Variants in CNN3 observed in about 807,000 individuals in gnomAD.
CNN3 encodes calponin 3, also known as calponin-3.
In CNN3, 11 loss-of-function variants were observed where a neutral mutation model predicts 39.0. The ratio of observed to expected loss-of-function variants is 0.28; its 90% CI spans 0.18 to 0.47. CNN3 has a LOEUF of 0.47. Among genes scored for constraint, CNN3 ranks in the 20% least tolerant of loss-of-function variants. The probability of loss-of-function intolerance (pLI) is 0.99; values close to 1 mark genes in which losing one functional copy is unlikely to be tolerated. For missense variants in CNN3, 266 were observed against 403.4 expected (o/e 0.66, Z 2.92); for synonymous variants, 101 against 138.3 (o/e 0.73, Z 1.89).
At chr1:94,915,378 T>G (rs859045) in intron 1 of CNN3, among the ~76,000 whole-genome samples, 42,181 of 151,714 alleles carry the variant, frequency 0.28, 6,299 homozygotes, top group Middle Eastern at 0.32. Context: ...AGATTCAGAG[T>G]TCCTCTAAAA....
chr1:94,906,458 G>A (rs1006825952), intron 1 of CNN3, among the ~76,000 whole-genome samples: 7 of 143,100 alleles, frequency 4.9e-5, no homozygotes, highest in Non-Finnish European at 1.1e-4. Flanking sequence ...AATACTAATT[G>A]TAAGGTGATT....
chr1:94,906,324 T>A (rs1671000470), intron 1 of CNN3, among the ~76,000 whole-genome samples: 2 of 152,148 alleles, frequency 1.3e-5, no homozygotes, highest in Admixed American at 1.3e-4. Context: ...TACACTGGGG[T>A]CTTGTTCTGG....
intron 1 of CNN3, among the ~76,000 whole-genome samples, chr1:94,920,996 G>A (rs1447350104): frequency 6.6e-6 from 1 of 152,202 alleles, no homozygotes; most frequent in Non-Finnish European, 1.5e-5. Context: ...GAGAGCCAAT[G>A]CACATGGTAT....
At chr1:94,918,684 A>G (rs1671357278) in intron 1 of CNN3, among the ~76,000 whole-genome samples, 1 of 152,016 alleles carries the variant, frequency 6.6e-6, no homozygotes. Flanking sequence ...ACTTAAGGTC[A>G]GGAGTTCAAA....
At chr1:94,924,899 A>C (rs1409343333) in intron 1 of CNN3, among the ~76,000 whole-genome samples, 1 of 152,240 alleles carries the variant, frequency 6.6e-6, no homozygotes, top group Non-Finnish European at 1.5e-5. Flanking sequence ...AGGACTACAA[A>C]AATGAAACGG....
intron 5 of CNN3, among the ~76,000 whole-genome samples, chr1:94,900,108 A>G (rs1369901334): frequency 6.6e-6 from 1 of 152,046 alleles, no homozygotes; most frequent in African/African-American, 2.4e-5. Context: ...ACAATAATTA[A>G]TTTTTCTTCC....
In CNN3 at chr1:94,897,712, G is replaced by T; in HGVS notation, c.*30C>A. Reference sequence around the variant, plus strand: ...TGGTTCTCACTGAATAAAAACAAAGGACTAAATACTGAGCTCCTTCTGTGT... The same window carrying T: ...TGGTTCTCACTGAATAAAAACAAAGTACTAAATACTGAGCTCCTTCTGTGT... On this transcript the variant is annotated 3_prime_UTR_variant, in exon 7 of 7. Coordinates refer to ENST00000370206, the MANE Select transcript of CNN3 (RefSeq NM_001839.5). 1 of 1,581,368 alleles carries T rather than the reference G, an allele frequency of 6.3e-7. No homozygotes were observed. Among genetic ancestry groups the T allele is most frequent in the Non-Finnish European group, 8.6e-7 (1 of 1,156,240 alleles).
intron 1 of CNN3, among the ~76,000 whole-genome samples, chr1:94,909,206 G>A (rs1190433444): frequency 6.6e-6 from 1 of 152,176 alleles, no homozygotes; most frequent in Non-Finnish European, 1.5e-5. Flanking sequence ...TTCTCAACAG[G>A]GGTGGTGGTG....
Position 94,926,804 on chromosome 1 carries a change from CG to C in CNN3, c.57+33del. Reference sequence around the variant, plus strand: ...GCGCCAGGCCAGCCCAAGGGTGCCCCGGGGGCCCCCGCGCCCGCCCGAGCCA... The same window carrying C: ...GCGCCAGGCCAGCCCAAGGGTGCCCCGGGGCCCCCGCGCCCGCCCGAGCCA... On this transcript the variant is annotated intron_variant, in intron 1 of 6. Coordinates refer to ENST00000370206, the MANE Select transcript of CNN3 (RefSeq NM_001839.5). This position sits in a 1 kb window ranked among gnomAD's most constrained non-coding sequence, Gnocchi z 4.2. 2.5e-6 allele frequency: 4 copies of C among 1,601,158 alleles called. No homozygotes were observed. The highest frequency in any genetic ancestry group is 1.1e-5 in the South Asian group (1 of 89,220).
At chr1:94,918,995 T>A (rs1457234163) in intron 1 of CNN3, among the ~76,000 whole-genome samples, 1 of 151,892 alleles carries the variant, frequency 6.6e-6, no homozygotes, top group East Asian at 1.9e-4. Context: ...TCCTGCCACA[T>A]GCATGTTTTT....
intron 1 of CNN3, among the ~76,000 whole-genome samples, chr1:94,916,658 T>C (rs774674387): frequency 2.6e-5 from 4 of 152,244 alleles, no homozygotes; most frequent in South Asian, 2.1e-4. Flanking sequence ...CAATTCTCCC[T>C]GAGCTCTGGC....
At chr1:94,922,030 G>C (rs1285155919) in intron 1 of CNN3, among the ~76,000 whole-genome samples, 3 of 152,120 alleles carry the variant, frequency 2.0e-5, no homozygotes, top group Non-Finnish European at 4.4e-5. Context: ...GTCTAAGAAA[G>C]AGCCCAGTCA....
At chr1:94,907,716 C>T (rs61772601) in intron 1 of CNN3, among the ~76,000 whole-genome samples, 7,043 of 152,112 alleles carry the variant, frequency 0.046, 231 homozygotes, top group Middle Eastern at 0.075. Context: ...AAAAATTAGA[C>T]GGGTGTGGTG....
chr1:94,919,061 G>T (rs1028398558), intron 1 of CNN3, among the ~76,000 whole-genome samples: 1 of 152,082 alleles, frequency 6.6e-6, no homozygotes, highest in Non-Finnish European at 1.5e-5. Context: ...AGAAAAAGAA[G>T]GGGGGGAAGC....
intron 1 of CNN3, among the ~76,000 whole-genome samples, chr1:94,920,127 A>G (rs1447769993): frequency 6.6e-6 from 1 of 152,170 alleles, no homozygotes; most frequent in African/African-American, 2.4e-5. Context: ...GCAGAATACA[A>G]CCAAGCCCGG....
intron 1 of CNN3, among the ~76,000 whole-genome samples, chr1:94,920,910 AC>A (rs1242461324): frequency 6.6e-6 from 1 of 152,252 alleles, no homozygotes; most frequent in Non-Finnish European, 1.5e-5. Flanking sequence ...AGAATCCTTA[AC>A]AAAAATCTGA....
chr1:94,926,695 G>A lies in CNN3; in HGVS notation c.57+143C>T. The A allele has an allele frequency of 1.1e-6, 1 of 933,798 alleles. No homozygotes were observed. Among genetic ancestry groups the A allele is most frequent in the South Asian group, 1.5e-5 (1 of 64,936 alleles). The allele number at this position is 933,798 out of a possible 1,614,324, so 57.8% of individuals were successfully genotyped here. ...CCGGGGACTGGACGCGACCGGGACAGGCAGAGACGCTCGCGCCGCCTCGAC... is the reference window on the plus strand; with the variant it reads ...CCGGGGACTGGACGCGACCGGGACAAGCAGAGACGCTCGCGCCGCCTCGAC... On this transcript the variant is annotated intron_variant, in intron 1 of 6. Transcript: ENST00000370206. This position sits in a 1 kb window ranked among gnomAD's most constrained non-coding sequence, Gnocchi z 4.2.
At position 94,927,060 on chromosome 1, in the gene CNN3, G is replaced by A; in HGVS notation, c.-166C>T. On this transcript the variant is annotated 5_prime_UTR_variant, in exon 1 of 7. Coordinates refer to ENST00000370206, the MANE Select transcript of CNN3 (RefSeq NM_001839.5). The stretch of plus-strand genomic sequence containing the variant: ...GGCGCGGGCGGTGCCTGGGCGACTG[G>A]GTCCAACTGGGTGCTACAGAGCCTC... 1 of 638,920 alleles carries A rather than the reference G, an allele frequency of 1.6e-6. No individual in the cohort carries two copies. The allele number at this position is 638,920 out of a possible 1,614,324, so 39.6% of individuals were successfully genotyped here. A position where few individuals can be genotyped will look rare whatever the true frequency, so the allele number is the denominator to read the frequency against.
intron 1 of CNN3, among the ~76,000 whole-genome samples, chr1:94,907,015 G>C (rs1399346612): frequency 6.6e-6 from 1 of 152,194 alleles, no homozygotes; most frequent in African/African-American, 2.4e-5. Flanking sequence ...TGATGAGATA[G>C]AAAAATCAAG....
Sources: allele counts gnomAD v4.1 joint callset (sites outside exome capture counted in the v4.1 genomes callset), GRCh38; gene constraint gnomAD v4.1.1; non-coding constraint Gnocchi (gnomAD v3.1); transcripts MANE v1.5; gene names NCBI Gene and HGNC (gene_info 2026-07-23, HGNC 2026-07-21).